TFEB: variants seen among roughly 807,000 people sequenced by gnomAD.
TFEB encodes the protein transcription factor EB.
In TFEB, 12 loss-of-function variants were observed where a neutral mutation model predicts 48.0. That is an observed-to-expected ratio of 0.25 (90% CI 0.16 to 0.40). The LOEUF (loss-of-function observed/expected upper bound fraction) is 0.40, where lower values mean the gene tolerates loss of function less well. Ranked by LOEUF, TFEB falls within the 10% of genes least tolerant of loss-of-function variation. The pLI is 1.00. For missense variants in TFEB, 509 were observed against 640.3 expected (o/e 0.79, Z 2.21); for synonymous variants, 244 against 261.4 (o/e 0.93, Z 0.64).
rs1453321416 is a variant in TFEB, at chr6:41,730,963, C to T, written c.-23+4387G>A. Among the ~76,000 whole-genome samples the T allele has an allele frequency of 1.3e-5, 2 of 152,160 alleles. No individual in the cohort carries two copies. The highest frequency in any genetic ancestry group is 2.4e-5 in the African/African-American group (1 of 41,432). On this transcript the variant is annotated intron_variant, in intron 1 of 8. Transcript: ENST00000373033. The surrounding 1 kb of genome is among the most constrained non-coding windows in gnomAD (Gnocchi z 4.1). The stretch of plus-strand genomic sequence containing the variant: ...GGACAGAGAGTGGTGGGAAGCCCCA[C>T]GTAAAGCATTACATCAGAGAACATT...
Position 41,684,411 on chromosome 6 carries a change from G to C in TFEB, c.*188C>G, listed in dbSNP as rs1273874696. 4 of 609,286 alleles carry C rather than the reference G, an allele frequency of 6.6e-6. No individual in the cohort carries two copies. In the Admixed American group the frequency reaches 1.6e-4, roughly 25 times the overall value. The allele number at this position is 609,286 out of a possible 1,614,324, so 37.7% of individuals were successfully genotyped here. A position where few individuals can be genotyped will look rare whatever the true frequency, so the allele number is the denominator to read the frequency against. On this transcript the variant is annotated 3_prime_UTR_variant, in exon 9 of 9. Coordinates refer to ENST00000373033, the MANE Select transcript of TFEB (RefSeq NM_001271944.2). ...TGCGCCAGTCAAGAGGGCTGCCCTGGGGGTGCTTCTCCTGACCCCACAGGC... is the reference window on the plus strand; with the variant it reads ...TGCGCCAGTCAAGAGGGCTGCCCTGCGGGTGCTTCTCCTGACCCCACAGGC...
chr6:41,709,964 T>G (rs1305435231), intron 1 of TFEB, among the ~76,000 whole-genome samples: 1 of 152,040 alleles, frequency 6.6e-6, no homozygotes, highest in African/African-American at 2.4e-5. Flanking sequence ...ATTTGTTTAT[T>G]TTTTGTAGAG....
Position 41,687,157 on chromosome 6 carries a change from C to T in TFEB, c.740G>A (p.Arg247Gln). The change falls in exon 7 of 9, where the codon CGA becomes CAA. Residue 247 changes from arginine to glutamine, a missense_variant. Physicochemically the swap from Arg to Gln is conservative, Grantham distance 43. Coordinates refer to ENST00000373033, the MANE Select transcript of TFEB (RefSeq NM_001271944.2). ...GATGCGGTCATTGATGTTGAACCTT[C>T]GTCTCCTTTCAACTAAAGGTAACAG... ...KDNHNLIERRRRFNINDRIKE... is the reference protein window; with the variant it reads ...KDNHNLIERRQRFNINDRIKE... 6.2e-7 allele frequency: 1 copy of T among 1,614,116 alleles called. No individual in the cohort carries two copies. Among genetic ancestry groups the T allele is most frequent in the Non-Finnish European group, 8.5e-7 (1 of 1,180,020 alleles).
chr6:41,685,005 G>T lies in TFEB; in HGVS notation c.1025C>A (p.Ala342Asp). 6.5e-7 allele frequency: 1 copy of T among 1,539,218 alleles called. No individual in the cohort carries two copies. Residue 342 changes from alanine to aspartate, a missense_variant, in exon 9 of 9, where the codon GCC (alanine) becomes GAC (aspartate). Transcript: ENST00000373033. Reference protein sequence around the residue: ...SPSGMNMAELAQQVVKQELPS... With the variant: ...SPSGMNMAELDQQVVKQELPS... ...CAGCTCCTGCTTCACCACCTGCTGGGCCAGCTCAGCCATGTTCATGCCGGA... is the reference window on the plus strand; with the variant it reads ...CAGCTCCTGCTTCACCACCTGCTGGTCCAGCTCAGCCATGTTCATGCCGGA...
intron 3 of TFEB, among the ~76,000 whole-genome samples, chr6:41,690,223 CCGATT>C (rs1282850685): frequency 6.6e-6 from 1 of 152,050 alleles, no homozygotes; most frequent in African/African-American, 2.4e-5. Context: ...TTCCGCCTTC[CCGATT>C]CAAGTGATTC....
intron 1 of TFEB, among the ~76,000 whole-genome samples, chr6:41,714,214 C>A (rs369677359): frequency 6.6e-6 from 1 of 151,322 alleles, no homozygotes; most frequent in Admixed American, 6.6e-5. Flanking sequence ...CATGTGCGTG[C>A]GTGTCTGTGT....
rs775238854 is a variant in TFEB, at chr6:41,684,910, C to G, written c.1120G>C (p.Ala374Pro). The G allele has an allele frequency of 1.3e-6, 2 of 1,572,732 alleles. No homozygotes were observed. Among genetic ancestry groups the G allele is most frequent in the Non-Finnish European group, 1.7e-6 (2 of 1,158,794 alleles). The change falls in exon 9 of 9, where the codon GCT becomes CCT. Residue 374 changes from alanine (A) to proline (P), a missense_variant. Physicochemically the swap from Ala to Pro is conservative, Grantham distance 27. Coordinates refer to ENST00000373033, the MANE Select transcript of TFEB (RefSeq NM_001271944.2). Reference sequence around the variant, plus strand: ...GGCAGCGGGGCTTGCGGGGGCAGAGCTGGCAGTGGCTCAGGGTCAGGGACC... The same window carrying G: ...GGCAGCGGGGCTTGCGGGGGCAGAGGTGGCAGTGGCTCAGGGTCAGGGACC... ...AEVPDPEPLP[A>P]LPPQAPLPLP...
At position 41,723,440 on chromosome 6, in the gene TFEB, T is replaced by G; in HGVS notation, c.-23+11910A>C. 7.9e-7 allele frequency: 1 copy of G among 1,258,930 alleles called. No homozygotes were observed. The highest frequency in any genetic ancestry group is 1.0e-6 in the Non-Finnish European group (1 of 962,156). 78.0% of individuals were successfully genotyped at this position (1,258,930 alleles called of 1,614,324 possible). A position where few individuals can be genotyped will look rare whatever the true frequency, so the allele number is the denominator to read the frequency against. On this transcript the variant is annotated intron_variant, in intron 1 of 8. Coordinates refer to ENST00000373033, the MANE Select transcript of TFEB (RefSeq NM_001271944.2). This position sits in a 1 kb window ranked among gnomAD's most constrained non-coding sequence, Gnocchi z 6.0. ...ACACACATGCACACACTCACACACATGCACGCGTGTGCTCTCATACCTTCG... is the reference window on the plus strand; with the variant it reads ...ACACACATGCACACACTCACACACAGGCACGCGTGTGCTCTCATACCTTCG...
intron 6 of TFEB, 115 bp downstream of exon 6, chr6:41,687,638 A>G: frequency 7.5e-7 from 1 of 1,337,100 alleles, no homozygotes; most frequent in African/African-American, 1.4e-5. Flanking sequence ...TCTGCAAGTG[A>G]ATTGGCCTTG....
At chr6:41,726,087 C>A (rs1771196063) in intron 1 of TFEB, among the ~76,000 whole-genome samples, 1 of 151,938 alleles carries the variant, frequency 6.6e-6, no homozygotes, top group Admixed American at 6.6e-5. Flanking sequence ...CCAGCCTGGG[C>A]AACAGAGCAG....
rs780478861 is a variant in TFEB, at chr6:41,690,943, C to G, written c.214-26G>C. 18 of 1,570,354 alleles carry G rather than the reference C, an allele frequency of 1.1e-5. No homozygotes were observed. In the South Asian group the frequency reaches 2.1e-4, roughly 19 times the overall value. ...CTGGGAGGGGGAAAAGGCAAGGGCT[C>G]TAGGGGAGGCTGGGACTAGTGGGGA... On this transcript the variant is annotated intron_variant, in intron 2 of 8. Transcript: ENST00000373033.
Position 41,684,933 on chromosome 6 carries a change from A to G in TFEB, c.1097T>C (p.Val366Ala), listed in dbSNP as rs944195458. ...AGCTGGCAGTGGCTCAGGGTCAGGG[A>G]CCTCAGCCCCCAGCATCAGGGCCTC... The part of the protein sequence containing the change: ...PGEALMLGAE[V>A]PDPEPLPALP... Residue 366 changes from valine (V) to alanine (A), a missense_variant, in exon 9 of 9, where the codon GTC (valine) becomes GCC (alanine). Around this residue, in one of 4 missense-constraint regions of TFEB, gnomAD observed 168 missense variants for 161.0 expected, o/e 1.04. Transcript: ENST00000373033. 20 of 1,582,580 alleles carry G rather than the reference A, an allele frequency of 1.3e-5. No individual in the cohort carries two copies. In the African/African-American group the frequency reaches 2.6e-4, roughly 20 times the overall value.
intron 4 of TFEB, among the ~76,000 whole-genome samples, chr6:41,688,965 A>G (rs1189410202): frequency 6.6e-6 from 1 of 152,196 alleles, no homozygotes; most frequent in Non-Finnish European, 1.5e-5. Context: ...AAGTGGGTGG[A>G]AGGGGCGCTG....
At chr6:41,692,980 G>A (rs1442993447) in intron 1 of TFEB, among the ~76,000 whole-genome samples, 3 of 152,156 alleles carry the variant, frequency 2.0e-5, no homozygotes, top group Non-Finnish European at 4.4e-5. Flanking sequence ...ATTAGTAAAC[G>A]GTCTCTGCTT....
At chr6:41,716,848 A>C (rs1456836365) in intron 1 of TFEB, among the ~76,000 whole-genome samples, 3 of 152,042 alleles carry the variant, frequency 2.0e-5, no homozygotes, top group Non-Finnish European at 4.4e-5. Flanking sequence ...AGCCTGGCCT[A>C]CCCCCTGGCC....
chr6:41,715,468 G>A (rs377542928), intron 1 of TFEB, among the ~76,000 whole-genome samples: 8 of 152,100 alleles, frequency 5.3e-5, no homozygotes, highest in Admixed American at 3.3e-4. Context: ...TCGGGAGTTC[G>A]AGACCAGCTT....
chr6:41,729,992 A>C (rs1771384738), intron 1 of TFEB, among the ~76,000 whole-genome samples: 1 of 152,146 alleles, frequency 6.6e-6, no homozygotes, highest in Non-Finnish European at 1.5e-5. Context: ...CAAATTCTAG[A>C]CCACATGGAA....
chr6:41,697,405 T>A (rs1769649776), intron 1 of TFEB, among the ~76,000 whole-genome samples: 2 of 16,066 alleles, frequency 1.2e-4, no homozygotes, highest in South Asian at 2.6e-3. Context: ...TGAAACTCCA[T>A]CTCAAAAAAA....
At chr6:41,708,306 G>A (rs1403324690) in intron 1 of TFEB, among the ~76,000 whole-genome samples, 3 of 152,186 alleles carry the variant, frequency 2.0e-5, no homozygotes, top group Non-Finnish European at 4.4e-5. Context: ...AAGAGGGCTT[G>A]GCAGACCCCC....
Sources: gnomAD v4.1 joint callset for allele counts (sites outside exome capture counted in the v4.1 genomes callset) on GRCh38, gnomAD v4.1.1 for gene constraint, gnomAD v4.1.1 regional missense constraint, Gnocchi (gnomAD v3.1) non-coding constraint, MANE v1.5 for transcripts, NCBI Gene and HGNC (gene_info 2026-07-23, HGNC 2026-07-21) for gene names.